Variants in GRM7 observed in about 807,000 individuals in gnomAD.
GRM7 encodes the protein glutamate metabotropic receptor 7, also known as metabotropic glutamate receptor 7.
In GRM7, 35 loss-of-function variants were observed where a neutral mutation model predicts 84.5. The ratio of observed to expected loss-of-function variants is 0.41; its 90% CI spans 0.32 to 0.55. The LOEUF is 0.55. GRM7 is among the 20% of genes least tolerant of loss of function. The probability of loss-of-function intolerance (pLI) is 0.19; values close to 1 mark genes in which losing one functional copy is unlikely to be tolerated. For synonymous variants in GRM7, 487 were observed against 455.1 expected (o/e 1.07, Z -0.89); for missense variants, 1,003 against 1,194.6 (o/e 0.84, Z 2.36).
chr3:6,869,559 T>G (rs1331101243), intron 1 of GRM7, among the ~76,000 whole-genome samples: 1 of 80,032 alleles, frequency 1.2e-5, no homozygotes, highest in Non-Finnish European at 2.7e-5. Context: ...CATACATATG[T>G]ATAATTTACA....
At chr3:7,286,667 T>C (rs1477092697) in intron 2 of GRM7, among the ~76,000 whole-genome samples, 1 of 152,204 alleles carries the variant, frequency 6.6e-6, no homozygotes, top group East Asian at 1.9e-4. Flanking sequence ...GGTCATGTTT[T>C]ATTCAATCAC....
At chr3:7,027,363 A>G (rs888217057) in intron 1 of GRM7, among the ~76,000 whole-genome samples, 8 of 152,242 alleles carry the variant, frequency 5.3e-5, no homozygotes, top group Non-Finnish European at 1.0e-4. Context: ...AATTGTGCTT[A>G]TAATTAATGG....
At chr3:7,658,703 C>T (rs1021291293) in intron 8 of GRM7, among the ~76,000 whole-genome samples, 1 of 152,036 alleles carries the variant, frequency 6.6e-6, no homozygotes, top group African/African-American at 2.4e-5. Context: ...AAATCCATAC[C>T]ATTGTTTATA....
rs569742123 is a variant in GRM7 at position 6,887,773 on chromosome 3, A to G, written c.519+25866A>G. Among the ~76,000 whole-genome samples, 7 of 152,250 alleles carry G rather than the reference A, an allele frequency of 4.6e-5. No individual in the cohort carries two copies. In the South Asian group the frequency reaches 1.5e-3, roughly 32 times the overall value. On this transcript the variant is annotated intron_variant, in intron 1 of 9. Transcript: ENST00000357716. Reference sequence around the variant, plus strand: ...TACTGGGATGGCTGGGTCAAATGGTATTTCTAGTTCTAGATCCTTGAGGAA... The same window carrying G: ...TACTGGGATGGCTGGGTCAAATGGTGTTTCTAGTTCTAGATCCTTGAGGAA...
chr3:7,681,309 C>G (rs1294958578), intron 9 of GRM7: 2 of 152,130 alleles, frequency 1.3e-5, no homozygotes, highest in Non-Finnish European at 2.9e-5. Context: ...GTGTCAAATG[C>G]TTAATGCCAA....
At chr3:7,540,357 G>A (rs1692803541) in intron 7 of GRM7, among the ~76,000 whole-genome samples, 1 of 152,086 alleles carries the variant, frequency 6.6e-6, no homozygotes, top group Middle Eastern at 3.2e-3. Context: ...GAGTGAAGAA[G>A]TAAAATGTAG....
intron 4 of GRM7, among the ~76,000 whole-genome samples, chr3:7,398,918 C>T (rs2125154119): frequency 6.6e-6 from 1 of 152,112 alleles, no homozygotes; most frequent in South Asian, 2.1e-4. Context: ...TCCTTTCTAT[C>T]TCCATTGATG....
At chr3:7,672,533 G>A (rs951292802) in intron 8 of GRM7, among the ~76,000 whole-genome samples, 6 of 151,874 alleles carry the variant, frequency 4.0e-5, no homozygotes, top group African/African-American at 1.5e-4. Context: ...CTGTCACCTG[G>A]GAACATACAA....
chr3:6,917,955 T>C (rs188505235), intron 1 of GRM7, among the ~76,000 whole-genome samples: 207 of 152,342 alleles, frequency 1.4e-3, no homozygotes, highest in African/African-American at 4.8e-3. Context: ...CATCCTGCCT[T>C]AAATTTTGTA....
chr3:7,098,596 T>C (rs1434113621), intron 1 of GRM7, among the ~76,000 whole-genome samples: 1 of 151,986 alleles, frequency 6.6e-6, no homozygotes, highest in Non-Finnish European at 1.5e-5. Context: ...TTTAAAAAAA[T>C]AAAACTTCAA....
At chr3:6,932,941 G>T (rs565392661) in intron 1 of GRM7, among the ~76,000 whole-genome samples, 1 of 151,850 alleles carries the variant, frequency 6.6e-6, no homozygotes, top group South Asian at 2.1e-4. Flanking sequence ...TTCTAATAGA[G>T]TCGGAGTTTC....
intron 1 of GRM7, among the ~76,000 whole-genome samples, chr3:7,087,606 G>A (rs1323022398): frequency 6.6e-6 from 1 of 152,046 alleles, no homozygotes; most frequent in Non-Finnish European, 1.5e-5. Context: ...AACATTTTAA[G>A]CTTTATTATA....
At chr3:7,692,033 A>C (rs1304762598) in intron 9 of GRM7, among the ~76,000 whole-genome samples, 1 of 152,008 alleles carries the variant, frequency 6.6e-6, no homozygotes, top group African/African-American at 2.4e-5. Flanking sequence ...AAACTCTCAG[A>C]GTTGGAAGTC....
At chr3:7,256,992 G>A (rs1310407514) in intron 2 of GRM7, among the ~76,000 whole-genome samples, 2 of 152,198 alleles carry the variant, frequency 1.3e-5, no homozygotes, top group African/African-American at 4.8e-5. Context: ...TCAGACAGAG[G>A]AATCTGCTTA....
chr3:7,713,441 A>C (rs1701662225), intron 9 of GRM7, among the ~76,000 whole-genome samples: 1 of 151,936 alleles, frequency 6.6e-6, no homozygotes, highest in Admixed American at 6.6e-5. Context: ...CCTGGCCAGG[A>C]TTTCACTATA....
intron 5 of GRM7, among the ~76,000 whole-genome samples, chr3:7,445,328 G>A (rs969713399): frequency 6.6e-6 from 1 of 152,074 alleles, no homozygotes; most frequent in African/African-American, 2.4e-5. Flanking sequence ...TTTTTATAAT[G>A]GGCAATGAAG....
chr3:7,471,033 C>T lies in GRM7; in HGVS notation c.1515+9311C>T, dbSNP rs376120691. Among the ~76,000 whole-genome samples, 5 of 151,474 alleles carry T rather than the reference C, an allele frequency of 3.3e-5. No homozygotes were observed. The East Asian group carries it at 7.9e-4, about 24-fold the overall frequency. ...TTGCTTGAGGAAATCATTTAACATT[C>T]CTGAACCGCAATTCCCTTCTTTATT... On this transcript the variant is annotated intron_variant, in intron 7 of 9. Coordinates refer to ENST00000357716, the MANE Select transcript of GRM7 (RefSeq NM_000844.4).
At chr3:7,332,630 T>A (rs920325213) in intron 4 of GRM7, among the ~76,000 whole-genome samples, 1 of 152,166 alleles carries the variant, frequency 6.6e-6, no homozygotes, top group South Asian at 2.1e-4. Context: ...AGGAGTAACA[T>A]GCAGCTCCCA....
chr3:6,944,319 T>C (rs1427723993), intron 1 of GRM7, among the ~76,000 whole-genome samples: 3 of 152,164 alleles, frequency 2.0e-5, no homozygotes, highest in Non-Finnish European at 4.4e-5. Context: ...GATTTTTTCA[T>C]AGATACCCTT....
Sources: allele counts gnomAD v4.1 joint callset (sites outside exome capture counted in the v4.1 genomes callset), GRCh38; gene constraint gnomAD v4.1.1; transcripts MANE v1.5; gene names NCBI Gene and HGNC (gene_info 2026-07-23, HGNC 2026-07-21).